The following ST6GALNAC3 variants were observed in gnomAD, a reference collection of about 807,000 sequenced individuals.
ST6GALNAC3 encodes the protein alpha-N-acetylgalactosaminide alpha-2,6-sialyltransferase 3.
Under a neutral mutation model 32.7 loss-of-function variants are expected in ST6GALNAC3, and 25 were observed. The observed-to-expected ratio is 0.76, with a 90% CI of 0.56 to 1.07. The LOEUF is 1.07. Among genes scored for constraint, ST6GALNAC3 ranks in the 50% least tolerant of loss-of-function variants. The pLI is 0.00. For synonymous variants in ST6GALNAC3, 129 were observed against 133.1 expected (o/e 0.97, Z 0.21); for missense variants, 355 against 382.4 (o/e 0.93, Z 0.60).
intron 1 of ST6GALNAC3, among the ~76,000 whole-genome samples, chr1:76,150,226 G>A (rs1009911206): frequency 4.6e-5 from 7 of 151,748 alleles, no homozygotes; most frequent in Non-Finnish European, 7.4e-5. Flanking sequence ...ATCTTCACCC[G>A]TCACCACCCT....
At chr1:76,246,385 A>T (rs1570567339) in intron 1 of ST6GALNAC3, among the ~76,000 whole-genome samples, 1 of 152,170 alleles carries the variant, frequency 6.6e-6, no homozygotes, top group Non-Finnish European at 1.5e-5. Flanking sequence ...TGTGTCTTTT[A>T]ACTGGGGCAC....
rs537730031 is a variant in ST6GALNAC3, at chr1:76,552,080, C to T, written c.624-75372C>T. Among the ~76,000 whole-genome samples the T allele has an allele frequency of 4.6e-5, 7 of 152,262 alleles. No homozygotes were observed. In the South Asian group the frequency reaches 8.3e-4, roughly 18 times the overall value. On this transcript the variant is annotated intron_variant, in intron 3 of 4. Coordinates refer to ENST00000328299, the MANE Select transcript of ST6GALNAC3 (RefSeq NM_152996.4). The stretch of plus-strand genomic sequence containing the variant: ...CACCCTAGGGCAAGATGCAGTGTAG[C>T]GGAGGCTGGGCTCTAAAAATGGCAC...
chr1:76,252,189 C>G (rs994675031), intron 1 of ST6GALNAC3, among the ~76,000 whole-genome samples: 1 of 152,056 alleles, frequency 6.6e-6, no homozygotes, highest in African/African-American at 2.4e-5. Context: ...ATACGATGTT[C>G]GTTTGGATGG....
At chr1:76,206,507 A>T (rs1654832339) in intron 1 of ST6GALNAC3, among the ~76,000 whole-genome samples, 1 of 152,174 alleles carries the variant, frequency 6.6e-6, no homozygotes, top group South Asian at 2.1e-4. Flanking sequence ...AGTTGGGCGG[A>T]TCATGAGGTC....
chr1:76,479,733 T>C (rs1385702613), intron 3 of ST6GALNAC3, among the ~76,000 whole-genome samples: 1 of 152,284 alleles, frequency 6.6e-6, no homozygotes, highest in Non-Finnish European at 1.5e-5. Flanking sequence ...CCCTGTTGCA[T>C]TGAGGATTAA....
chr1:76,525,974 G>A (rs1662888209), intron 3 of ST6GALNAC3, among the ~76,000 whole-genome samples: 1 of 151,058 alleles, frequency 6.6e-6, no homozygotes, highest in African/African-American at 2.4e-5. Flanking sequence ...AAACTTAAGA[G>A]CAAATACCAA....
At chr1:76,455,002 T>C (rs1014072092) in intron 3 of ST6GALNAC3, among the ~76,000 whole-genome samples, 20 of 152,274 alleles carry the variant, frequency 1.3e-4, no homozygotes, top group African/African-American at 4.8e-4. Flanking sequence ...CTAGATTTCA[T>C]TTTTACAAAC....
intron 3 of ST6GALNAC3, among the ~76,000 whole-genome samples, chr1:76,502,219 A>C (rs530814033): frequency 6.6e-6 from 1 of 152,312 alleles, no homozygotes; most frequent in African/African-American, 2.4e-5. Context: ...CCTAAAGAAA[A>C]ATTAGAGCAC....
intron 2 of ST6GALNAC3, among the ~76,000 whole-genome samples, chr1:76,369,871 T>C (rs912114827): frequency 5.3e-5 from 8 of 152,116 alleles, no homozygotes; most frequent in African/African-American, 1.9e-4. Flanking sequence ...GCCTTGAAAA[T>C]CATGAGGGAA....
chr1:76,387,441 A>G (rs1281380098), intron 2 of ST6GALNAC3, among the ~76,000 whole-genome samples: 1 of 151,990 alleles, frequency 6.6e-6, no homozygotes, highest in Non-Finnish European at 1.5e-5. Context: ...TGCTATATGG[A>G]TAGATTTTTA....
intron 1 of ST6GALNAC3, 94 bp from the exon 2 acceptor site, chr1:76,313,711 G>A (rs1273805884): frequency 7.7e-7 from 1 of 1,298,210 alleles, no homozygotes; most frequent in East Asian, 2.3e-5. Flanking sequence ...CGACCCCTAT[G>A]AAAGAAAAAG....
At chr1:76,400,714 T>A (rs1432177761) in intron 2 of ST6GALNAC3, among the ~76,000 whole-genome samples, 1 of 151,678 alleles carries the variant, frequency 6.6e-6, no homozygotes, top group Non-Finnish European at 1.5e-5. Context: ...TGGTGAAACC[T>A]CATCTCTAGC....
intron 1 of ST6GALNAC3, among the ~76,000 whole-genome samples, chr1:76,245,018 C>T (rs1378738540): frequency 6.6e-6 from 1 of 152,244 alleles, no homozygotes; most frequent in Non-Finnish European, 1.5e-5. Context: ...GTATCAGCTC[C>T]TCTTTGTACC....
intron 1 of ST6GALNAC3, among the ~76,000 whole-genome samples, chr1:76,272,325 A>G (rs1202714904): frequency 6.0e-5 from 1 of 16,534 alleles, no homozygotes; most frequent in Non-Finnish European, 3.0e-4. Flanking sequence ...TCAGTCTCGG[A>G]AAAAAAAAAA....
chr1:76,495,092 C>T (rs375086348), intron 3 of ST6GALNAC3, among the ~76,000 whole-genome samples: 2 of 152,082 alleles, frequency 1.3e-5, no homozygotes, highest in East Asian at 3.9e-4. Context: ...ATCTGCTTTA[C>T]TCAGTCTACT....
chr1:76,520,443 T>C (rs897012577), intron 3 of ST6GALNAC3, among the ~76,000 whole-genome samples: 1 of 151,982 alleles, frequency 6.6e-6, no homozygotes, highest in Admixed American at 6.6e-5. Context: ...GGACAGGGAA[T>C]TGGCATAGTA....
At chr1:76,594,662 T>C (rs1448327385) in intron 3 of ST6GALNAC3, among the ~76,000 whole-genome samples, 1 of 152,182 alleles carries the variant, frequency 6.6e-6, no homozygotes, top group Non-Finnish European at 1.5e-5. Context: ...GATAAATACA[T>C]AGACAATAGA....
chr1:76,462,091 G>A (rs955188429), intron 3 of ST6GALNAC3, among the ~76,000 whole-genome samples: 4 of 151,952 alleles, frequency 2.6e-5, no homozygotes, highest in Non-Finnish European at 4.4e-5. Context: ...TCATCGATAT[G>A]GCAACTCCCT....
intron 2 of ST6GALNAC3, among the ~76,000 whole-genome samples, chr1:76,407,008 T>C (rs183454581): frequency 1.2e-3 from 176 of 152,110 alleles, no homozygotes; most frequent in African/African-American, 4.1e-3. Flanking sequence ...ACTATACTTA[T>C]AGGTCTCTCT....
Sources: allele counts gnomAD v4.1 joint callset (sites outside exome capture counted in the v4.1 genomes callset), GRCh38; gene constraint gnomAD v4.1.1; transcripts MANE v1.5; gene names NCBI Gene and HGNC (gene_info 2026-07-23, HGNC 2026-07-21).